Variants in UMOD observed in about 807,000 individuals in gnomAD.
UMOD encodes Tamm-Horsfall urinary glycoprotein.
UMOD carries 64 observed loss-of-function variants against 66.0 expected under a neutral mutation model. The ratio of observed to expected loss-of-function variants is 0.97; its 90% CI spans 0.79 to 1.19. UMOD has a LOEUF of 1.19. UMOD is among the 50% of genes most tolerant of loss of function. The pLI is 0.00. For synonymous variants in UMOD, 398 were observed against 352.7 expected, an observed-to-expected ratio of 1.13 and a Z score of -1.44; for missense variants, 764 against 850.9, an observed-to-expected ratio of 0.90 and a Z score of 1.27.
At chr16:20,339,840 C>G (rs565727099) in intron 7 of UMOD, among the ~76,000 whole-genome samples, 19 of 152,296 alleles carry the variant, frequency 1.2e-4, no homozygotes, top group African/African-American at 4.3e-4. Flanking sequence ...ATCCACAGAG[C>G]CCGACACACA....
chr16:20,347,449 T>G (rs901058432), intron 4 of UMOD, among the ~76,000 whole-genome samples: 1 of 152,260 alleles, frequency 6.6e-6, no homozygotes, highest in Non-Finnish European at 1.5e-5. Context: ...TTAGTATTTA[T>G]TTTTTAAAAT....
chr16:20,334,610 T>C (rs756563617), intron 10 of UMOD, among the ~76,000 whole-genome samples: 8 of 152,136 alleles, frequency 5.3e-5, no homozygotes, highest in Non-Finnish European at 1.0e-4. Context: ...GGACACAGCA[T>C]AGGTATGTGT....
rs937835972 is a variant in UMOD at position 20,348,831 on chromosome 16, G to A, written c.470C>T (p.Pro157Leu). 17 of 1,546,810 alleles carry A rather than the reference G, an allele frequency of 1.1e-5. No homozygotes were observed. Among genetic ancestry groups the A allele is most frequent in the Non-Finnish European group, 1.4e-5 (16 of 1,146,928 alleles). The stretch of plus-strand genomic sequence containing the variant: ...GCCCTCGGGCACGCAGTCCAACCCC[G>A]GCCCGCAGGAGCCCGGGGAGCACTC... Reference protein sequence around the residue: ...HCECSPGSCGPGLDCVPEGDA... With the variant: ...HCECSPGSCGLGLDCVPEGDA... The change falls in exon 3 of 11, where the codon CCG becomes CTG. Residue 157 changes from proline to leucine, a missense_variant. Transcript: ENST00000396138.
At chr16:20,353,351 C>A (rs1965972476), upstream of UMOD, among the ~76,000 whole-genome samples, 1 of 152,162 alleles carries the variant, frequency 6.6e-6, no homozygotes, top group Non-Finnish European at 1.5e-5. Flanking sequence ...AATAAATTTG[C>A]ACTTAAATAG....
Position 20,349,112 on chromosome 16 carries a change from G to A in UMOD, c.189C>T (p.Cys63=), listed in dbSNP as rs1199326518. Residue 63 remains cysteine, a synonymous_variant, in exon 3 of 11, where the codon TGC becomes TGT. Transcript: ENST00000396138. The stretch of plus-strand genomic sequence containing the variant: ...GAATGGCGCACTCATCCAGGTCCAC[G>A]CAGGTCAGGCCATCGCCGGTGAAGC... ...QEGFTGDGLT[C]VDLDECAIPG... 6.2e-7 allele frequency: 1 copy of A among 1,613,978 alleles called. No homozygotes were observed. Among genetic ancestry groups the A allele is most frequent in the Non-Finnish European group, 8.5e-7 (1 of 1,179,974 alleles).
At chr16:20,343,780 G>A (rs1567305080) in intron 6 of UMOD, among the ~76,000 whole-genome samples, 1 of 152,218 alleles carries the variant, frequency 6.6e-6, no homozygotes, top group Non-Finnish European at 1.5e-5. Context: ...GTAAGTGACA[G>A]AGCTGGGGCT....
intron 6 of UMOD, among the ~76,000 whole-genome samples, chr16:20,342,000 C>T (rs180741023): frequency 6.6e-6 from 1 of 152,324 alleles, no homozygotes; most frequent in Admixed American, 6.5e-5. Context: ...GTCCATTTTA[C>T]AGATGAGAAC....
chr16:20,348,845 C>A lies in UMOD; in HGVS notation c.456G>T (p.Pro152=). 12 of 1,547,744 alleles carry A rather than the reference C, an allele frequency of 7.8e-6. No individual in the cohort carries two copies. The highest frequency in any genetic ancestry group is 1.0e-5 in the Non-Finnish European group (12 of 1,147,042). ...AGTCCAACCCCGGCCCGCAGGAGCCCGGGGAGCACTCACAGTGCCATCCAT... is the reference window on the plus strand; with the variant it reads ...AGTCCAACCCCGGCCCGCAGGAGCCAGGGGAGCACTCACAGTGCCATCCAT... The part of the protein sequence containing the change: ...RGDGWHCECS[P]GSCGPGLDCV... The change falls in exon 3 of 11, where the codon CCG becomes CCT. Residue 152 remains proline, a synonymous_variant. Coordinates refer to ENST00000396138, the MANE Select transcript of UMOD (RefSeq NM_003361.4).
In UMOD at chr16:20,341,234, T is replaced by C. The variant is rs372991145; in HGVS notation, c.1434A>G (p.Thr478=). ...CGTAGAGAAAAGCCTCAGTGGACAG[T>C]GTCACGGAGGAGCCTTGGTAGGGCT... ...YTQPYQGSSV[T]LSTEAFLYVG... Residue 478 remains threonine, a synonymous_variant, in exon 7 of 11, where the codon ACA becomes ACG. Transcript: ENST00000396138. The C allele has an allele frequency of 1.7e-5, 27 of 1,613,950 alleles. No homozygotes were observed. Among genetic ancestry groups the C allele is most frequent in the Non-Finnish European group, 2.1e-5 (25 of 1,180,038 alleles).
At position 20,333,140 on chromosome 16, in the gene UMOD, G is replaced by A; in HGVS notation, c.*174C>T. ...ACAAGTCCCATTTTGAGAAAAAGCA[G>A]CATTTAAAGACACAGGCTGTTTCTC... On this transcript the variant is annotated 3_prime_UTR_variant, in exon 11 of 11. Coordinates refer to ENST00000396138, the MANE Select transcript of UMOD (RefSeq NM_003361.4). 2 of 694,612 alleles carry A rather than the reference G, an allele frequency of 2.9e-6. No homozygotes were observed. Among genetic ancestry groups the A allele is most frequent in the Non-Finnish European group, 2.6e-6 (1 of 386,986 alleles). 43.0% of individuals were successfully genotyped at this position (694,612 alleles called of 1,614,324 possible). A position where few individuals can be genotyped will look rare whatever the true frequency, so the allele number is the denominator to read the frequency against.
In UMOD at chr16:20,346,111, C is replaced by G; in HGVS notation, c.1182+15G>C. 1.2e-6 allele frequency: 2 copies of G among 1,611,890 alleles called. No homozygotes were observed. The highest frequency in any genetic ancestry group is 1.7e-6 in the Non-Finnish European group (2 of 1,178,850). On this transcript the variant is annotated intron_variant, in intron 5 of 10. Transcript: ENST00000396138. ...GGCAGTGCTCTGGTTCTGTCCCCCA[C>G]TGGCCAGGACGTACCGTCAACACTG...
upstream of UMOD, among the ~76,000 whole-genome samples, chr16:20,353,640 G>A (rs1026053092): frequency 6.6e-6 from 1 of 152,158 alleles, no homozygotes; most frequent in African/African-American, 2.4e-5. Context: ...TTCAGACCCA[G>A]TTCAACATAC....
rs143248111 is a variant in UMOD at position 20,349,117 on chromosome 16, T to C, written c.184A>G (p.Thr62Ala). ...CQEGFTGDGLTCVDLDECAIP... is the reference protein window; with the variant it reads ...CQEGFTGDGLACVDLDECAIP... ...GCGCACTCATCCAGGTCCACGCAGG[T>C]CAGGCCATCGCCGGTGAAGCCCTCC... The change falls in exon 3 of 11, where the codon ACC becomes GCC. Residue 62 changes from threonine to alanine, a missense_variant. Thr to Ala is a moderately conservative substitution (Grantham distance 58). Transcript: ENST00000396138. 6.2e-7 allele frequency: 1 copy of C among 1,614,018 alleles called. No individual in the cohort carries two copies. Among genetic ancestry groups the C allele is most frequent in the Admixed American group, 1.7e-5 (1 of 60,022 alleles).
intron 9 of UMOD, among the ~76,000 whole-genome samples, chr16:20,336,276 C>T (rs557418631): frequency 2.0e-5 from 3 of 152,260 alleles, no homozygotes; most frequent in Admixed American, 1.3e-4. Flanking sequence ...GGGAGCAGGG[C>T]CATCTACTTC....
In UMOD at chr16:20,346,150, A is replaced by G. The variant is rs1965572074; in HGVS notation, c.1158T>C (p.Asp386=). 1 of 1,614,122 alleles carries G rather than the reference A, an allele frequency of 6.2e-7. No individual in the cohort carries two copies. Among genetic ancestry groups the G allele is most frequent in the East Asian group, 2.2e-5 (1 of 44,880 alleles). ...DWVSVVTPAR[D]GPCGTVLTRN... The stretch of plus-strand genomic sequence containing the variant: ...CCGTCAACACTGTCCCACAGGGGCC[A>G]TCCCGGGCTGGGGTCACTACAGACA... Residue 386 remains aspartate, a synonymous_variant, in exon 5 of 11, where the codon GAT becomes GAC. Coordinates refer to ENST00000396138, the MANE Select transcript of UMOD (RefSeq NM_003361.4).
At chr16:20,351,465 G>A (rs1965891158) in intron 1 of UMOD, 1 of 156,650 alleles carries the variant, frequency 6.4e-6, no homozygotes, top group African/African-American at 2.4e-5. Context: ...CAGCAAAATA[G>A]GGTGGCATGT....
chr16:20,335,399 T>C (rs1487766114), intron 10 of UMOD, 83 bp downstream of exon 10: 1 of 1,408,020 alleles, frequency 7.1e-7, no homozygotes, highest in Non-Finnish European at 1.0e-6. Context: ...ATAGAGTTGC[T>C]ATGAAGCATT....
intron 6 of UMOD, 97 bp downstream of exon 6, chr16:20,343,927 C>G (rs1965379373): frequency 6.7e-7 from 1 of 1,484,844 alleles, no homozygotes; most frequent in Non-Finnish European, 9.3e-7. Context: ...GCCCTCACTC[C>G]CAGCTCCCTG....
chr16:20,342,329 G>A (rs1965270151), intron 6 of UMOD: 1 of 152,502 alleles, frequency 6.6e-6, no homozygotes, highest in Non-Finnish European at 1.5e-5. Context: ...TCCAGCCTGG[G>A]TGACAGAGTG....
Sources: gnomAD v4.1 joint callset for allele counts (sites outside exome capture counted in the v4.1 genomes callset) on GRCh38, gnomAD v4.1.1 for gene constraint, MANE v1.5 for transcripts, NCBI Gene and HGNC (gene_info 2026-07-23, HGNC 2026-07-21) for gene names.